The following DAB1 variants were observed in gnomAD, a reference collection of about 807,000 sequenced individuals.
DAB1 encodes disabled homolog 1.
In DAB1, 15 loss-of-function variants were observed where a neutral mutation model predicts 64.6. That is an observed-to-expected ratio of 0.23 (90% CI 0.16 to 0.36). DAB1 has a LOEUF of 0.36. DAB1 is among the 10% of genes least tolerant of loss of function. The pLI, the probability that DAB1 is intolerant of heterozygous loss-of-function variation, is 1.00. For missense variants in DAB1, 596 were observed against 706.7 expected, an observed-to-expected ratio of 0.84 and a Z score of 1.78; for synonymous variants, 235 against 251.9, an observed-to-expected ratio of 0.93 and a Z score of 0.64.
chr1:57,710,683 C>G (rs1447340367), intron 6 of DAB1, among the ~76,000 whole-genome samples: 1 of 151,828 alleles, frequency 6.6e-6, no homozygotes, highest in Non-Finnish European at 1.5e-5. Flanking sequence ...CTTTAGGACT[C>G]TTGTAGTTTC....
intron 1 of DAB1, among the ~76,000 whole-genome samples, chr1:57,346,428 G>C (rs1485693181): frequency 6.6e-6 from 1 of 152,174 alleles, no homozygotes; most frequent in Non-Finnish European, 1.5e-5. Context: ...ATTAAATAGT[G>C]ATATGACAAT....
chr1:58,356,220 G>T (rs747422627), intron 3 of DAB1, among the ~76,000 whole-genome samples: 5 of 151,948 alleles, frequency 3.3e-5, no homozygotes, highest in African/African-American at 4.8e-5. Flanking sequence ...GCCAACCCTG[G>T]GCAGCCAGAG....
chr1:57,391,027 A>T (rs1682307483), intron 1 of DAB1, among the ~76,000 whole-genome samples: 2 of 152,174 alleles, frequency 1.3e-5, no homozygotes, highest in Non-Finnish European at 2.9e-5. Flanking sequence ...CTTTTTCTGT[A>T]GCTGAATAGA....
In DAB1 at chr1:58,116,873, T is replaced by A. The variant is rs140723307; in HGVS notation, n.387+33638A>T. On this transcript the variant is annotated intron_variant and non_coding_transcript_variant, in intron 5 of 20. Transcript: ENST00000485760. ...AATGATGACATAACTCATTTTTTGATTAAAAAATACAAGTTACACAAGGGA... is the reference window on the plus strand; with the variant it reads ...AATGATGACATAACTCATTTTTTGAATAAAAAATACAAGTTACACAAGGGA... Among the ~76,000 whole-genome samples, 192 of 152,296 alleles carry A rather than the reference T, an allele frequency of 1.3e-3. 1 individual carries two copies. The highest frequency in any genetic ancestry group is 4.3e-3 in the African/African-American group (180 of 41,576).
At chr1:57,699,982 A>T (rs1055766999) in intron 6 of DAB1, among the ~76,000 whole-genome samples, 3 of 152,154 alleles carry the variant, frequency 2.0e-5, no homozygotes, top group African/African-American at 7.2e-5. Context: ...TAGTATGATT[A>T]TCCCTTCTCC....
At chr1:58,037,011 C>A (rs1166669634) in intron 5 of DAB1, among the ~76,000 whole-genome samples, 1 of 152,100 alleles carries the variant, frequency 6.6e-6, no homozygotes, top group Non-Finnish European at 1.5e-5. Context: ...CCCTTGCCTG[C>A]TCCTTCCCAC....
chr1:57,417,466 C>G (rs1280691963), intron 1 of DAB1, among the ~76,000 whole-genome samples: 1 of 152,146 alleles, frequency 6.6e-6, no homozygotes, highest in African/African-American at 2.4e-5. Context: ...AAGTGATTCT[C>G]TACATTTTTC....
chr1:57,221,104 G>A (rs915560721), intron 2 of DAB1, among the ~76,000 whole-genome samples: 4 of 152,148 alleles, frequency 2.6e-5, no homozygotes, highest in African/African-American at 9.7e-5. Context: ...GTAGAGACAT[G>A]GATGAAGCTG....
At chr1:57,454,742 C>T (rs1186585246) in intron 7 of DAB1, among the ~76,000 whole-genome samples, 1 of 152,042 alleles carries the variant, frequency 6.6e-6, no homozygotes, top group African/African-American at 2.4e-5. Flanking sequence ...GTTCTCTAGA[C>T]CGGGAGGAAA....
intron 3 of DAB1, among the ~76,000 whole-genome samples, chr1:58,404,590 G>A (rs977729988): frequency 2.0e-5 from 3 of 152,124 alleles, no homozygotes; most frequent in Admixed American, 6.6e-5. Flanking sequence ...GGCCCAGAGC[G>A]GACTGTTAGG....
intron 2 of DAB1, among the ~76,000 whole-genome samples, chr1:57,212,428 C>T (rs1324012333): frequency 1.0e-3 from 134 of 131,940 alleles, no homozygotes; most frequent in African/African-American, 3.7e-3. Context: ...AGTGCAGTGG[C>T]GCGATCTCAG....
intron 6 of DAB1, among the ~76,000 whole-genome samples, chr1:57,712,386 A>T (rs768029843): frequency 2.0e-4 from 30 of 152,250 alleles, no homozygotes; most frequent in Non-Finnish European, 4.0e-4. Flanking sequence ...ATAGAATAAT[A>T]TCTGTATCAC....
chr1:58,156,592 G>C (rs945355108), intron 4 of DAB1, among the ~76,000 whole-genome samples: 2 of 152,198 alleles, frequency 1.3e-5, no homozygotes, highest in African/African-American at 4.8e-5. Context: ...TGGGTGCATG[G>C]TATCATACAG....
At chr1:58,495,904 T>C (rs915178005) in intron 3 of DAB1, among the ~76,000 whole-genome samples, 2 of 152,322 alleles carry the variant, frequency 1.3e-5, no homozygotes, top group South Asian at 4.1e-4. Flanking sequence ...CCTTTTTACC[T>C]AGGTAGCTTG....
chr1:57,394,046 C>A (rs539257), intron 1 of DAB1, among the ~76,000 whole-genome samples: 1 of 152,238 alleles, frequency 6.6e-6, no homozygotes, highest in Middle Eastern at 3.4e-3. Context: ...TAGTTCTCAA[C>A]GTAGCATTAT....
chr1:57,570,767 A>G (rs1454047217), intron 7 of DAB1, among the ~76,000 whole-genome samples: 1 of 152,120 alleles, frequency 6.6e-6, no homozygotes, highest in Non-Finnish European at 1.5e-5. Flanking sequence ...AATTACATTG[A>G]ATTTGTAGAT....
At chr1:57,914,890 T>C (rs1644703044) in intron 5 of DAB1, among the ~76,000 whole-genome samples, 1 of 152,170 alleles carries the variant, frequency 6.6e-6, no homozygotes, top group Non-Finnish European at 1.5e-5. Context: ...CCCCAGAATT[T>C]TCATAAGTTC....
intron 4 of DAB1, among the ~76,000 whole-genome samples, chr1:58,305,279 T>C (rs1179449877): frequency 6.6e-6 from 1 of 152,174 alleles, no homozygotes; most frequent in African/African-American, 2.4e-5. Context: ...CATAAAAATG[T>C]AGGAAAGTCA....
chr1:57,546,919 T>C (rs1343704784), intron 7 of DAB1, among the ~76,000 whole-genome samples: 1 of 152,170 alleles, frequency 6.6e-6, no homozygotes, highest in Non-Finnish European at 1.5e-5. Flanking sequence ...TGGGAGATTA[T>C]GGGTAATTAA....
Sources: gnomAD v4.1 joint callset for allele counts (sites outside exome capture counted in the v4.1 genomes callset) on GRCh38, gnomAD v4.1.1 for gene constraint, MANE v1.5 for transcripts, NCBI Gene and HGNC (gene_info 2026-07-23, HGNC 2026-07-21) for gene names.